KIF4A: variants seen among roughly 807,000 people sequenced by gnomAD.
KIF4A encodes chromosome-associated kinesin KIF4A.
In KIF4A, 7 loss-of-function variants were observed where a neutral mutation model predicts 105.9. The ratio of observed to expected loss-of-function variants is 0.07; its 90% CI spans 0.04 to 0.12. The LOEUF (loss-of-function observed/expected upper bound fraction) is 0.12, where lower values mean the gene tolerates loss of function less well. KIF4A is among the 10% of genes least tolerant of loss of function. The pLI, the probability that KIF4A is intolerant of heterozygous loss-of-function variation, is 1.00. For missense variants in KIF4A, 558 were observed against 929.2 expected (o/e 0.60, Z 5.19); for synonymous variants, 281 against 331.3 (o/e 0.85, Z 1.65).
chrX:70,298,583 T>A (rs2085792782), intron 4 of KIF4A, among the ~76,000 whole-genome samples: 1 of 111,660 alleles, frequency 9.0e-6, no homozygotes, highest in Non-Finnish European at 1.9e-5. Context: ...CCAACATAAT[T>A]GAATATCAAA....
chrX:70,416,415 C>T (rs2086345131), intron 28 of KIF4A, among the ~76,000 whole-genome samples: 1 of 95,834 alleles, frequency 1.0e-5, no homozygotes, highest in Non-Finnish European at 2.0e-5. Flanking sequence ...TGCAGTGGCG[C>T]GATCTCAGCT....
At chrX:70,328,433 A>C (rs1443600193) in intron 7 of KIF4A, among the ~76,000 whole-genome samples, 1 of 111,834 alleles carries the variant, frequency 8.9e-6, no homozygotes, top group Admixed American at 9.5e-5. Context: ...TAGACATTTC[A>C]TGGCCTAATG....
chrX:70,366,988 C>T (rs1330713354), intron 15 of KIF4A, among the ~76,000 whole-genome samples: 1 of 111,768 alleles, frequency 8.9e-6, no homozygotes, highest in Non-Finnish European at 1.9e-5. Context: ...TGAATTGATC[C>T]CTTTACCATT....
chrX:70,351,200 T>C (rs1365348387), intron 13 of KIF4A, among the ~76,000 whole-genome samples: 1 of 111,663 alleles, frequency 9.0e-6, no homozygotes, highest in Non-Finnish European at 1.9e-5. Context: ...TTTTGTTACA[T>C]AGATATATCG....
intron 7 of KIF4A, among the ~76,000 whole-genome samples, chrX:70,309,566 C>T (rs2085840594): frequency 1.8e-5 from 2 of 111,453 alleles, no homozygotes; most frequent in African/African-American, 6.5e-5. Context: ...GGAGCAATAG[C>T]TTTTTTTCTT....
At chrX:70,337,995 T>C (rs893533946) in intron 10 of KIF4A, among the ~76,000 whole-genome samples, 1 of 111,869 alleles carries the variant, frequency 8.9e-6, no homozygotes, top group Non-Finnish European at 1.9e-5. Flanking sequence ...ATTCGTGATA[T>C]TAGCCCTTTG....
At chrX:70,371,457 T>C (rs1348995062) in intron 15 of KIF4A, among the ~76,000 whole-genome samples, 9 of 112,066 alleles carry the variant, frequency 8.0e-5, no homozygotes, top group Admixed American at 5.6e-4. Flanking sequence ...AAACCGCCAT[T>C]GTCATCATGG....
intron 6 of KIF4A, 37 bp downstream of exon 6, chrX:70,302,103 T>G (rs1348916976): frequency 6.8e-6 from 8 of 1,183,376 alleles, no homozygotes; most frequent in Non-Finnish European, 9.2e-6. Context: ...TTTTTAGTAT[T>G]AGTTCTATTA....
At chrX:70,303,110 G>A (rs775799793) in intron 7 of KIF4A, among the ~76,000 whole-genome samples, 43 of 111,959 alleles carry the variant, frequency 3.8e-4, no homozygotes, top group Non-Finnish European at 8.1e-4. Flanking sequence ...GTGAATTCAA[G>A]GTTGGCTTCT....
chrX:70,383,940 G>A (rs1363514827), intron 18 of KIF4A, among the ~76,000 whole-genome samples: 1 of 111,699 alleles, frequency 9.0e-6, no homozygotes, highest in Non-Finnish European at 1.9e-5. Context: ...TTCTTTTTGT[G>A]GTAATGAAAA....
chrX:70,329,065 A>G (rs1358845652), intron 7 of KIF4A, among the ~76,000 whole-genome samples: 1 of 111,753 alleles, frequency 8.9e-6, no homozygotes, highest in East Asian at 2.8e-4. Context: ...AAACCTGTTC[A>G]TCCAATTTCA....
intron 13 of KIF4A, among the ~76,000 whole-genome samples, chrX:70,349,927 G>A (rs1472438266): frequency 1.5e-3 from 145 of 96,671 alleles, no homozygotes; most frequent in African/African-American, 5.3e-3. Context: ...CCTCCCAGAC[G>A]GGGTGGCGGC....
intron 15 of KIF4A, among the ~76,000 whole-genome samples, chrX:70,371,508 G>T (rs1004009975): frequency 8.9e-6 from 1 of 111,825 alleles, no homozygotes; most frequent in African/African-American, 3.2e-5. Context: ...CCCAGACGGG[G>T]TGGTGGCCGG....
chrX:70,364,601 T>A (rs1266935124), intron 15 of KIF4A, among the ~76,000 whole-genome samples: 1 of 109,047 alleles, frequency 9.2e-6, no homozygotes, highest in Admixed American at 9.9e-5. Context: ...TTGATCTATA[T>A]CTCTGTTTTG....
At chrX:70,411,460 AT>A (rs35035911) in intron 28 of KIF4A, among the ~76,000 whole-genome samples, 1,764 of 103,560 alleles carry the variant, frequency 0.017, 37 homozygotes, top group African/African-American at 0.057. Context: ...CAATCCTGGT[AT>A]TTTTTTTTTT....
chrX:70,420,159 C>G lies in KIF4A; in HGVS notation c.3593C>G (p.Thr1198Arg), dbSNP rs2086361088. The G allele has an allele frequency of 8.3e-7, 1 of 1,211,094 alleles. No homozygotes were observed. Among genetic ancestry groups the G allele is most frequent in the African/African-American group, 1.7e-5 (1 of 57,623 alleles). ...FDLPELKHVA[T>R]EYQENKAPGK... Reference sequence around the variant, plus strand: ...CTCCCAGAGTTGAAACATGTAGCAACAGAATACCAAGAAAACAAGGCTCCA... The same window carrying G: ...CTCCCAGAGTTGAAACATGTAGCAAGAGAATACCAAGAAAACAAGGCTCCA... Residue 1198 changes from threonine to arginine, a missense_variant, in exon 31 of 31, where the codon ACA becomes AGA. Physicochemically the swap from Thr to Arg is moderately conservative, Grantham distance 71. Coordinates refer to ENST00000374403, the MANE Select transcript of KIF4A (RefSeq NM_012310.5).
rs961344072 is a variant in KIF4A, at chrX:70,353,703, A to G, written c.1570A>G (p.Lys524Glu). 3 of 1,208,836 alleles carry G rather than the reference A, an allele frequency of 2.5e-6. No homozygotes were observed. The African/African-American group carries it at 5.3e-5, about 21-fold the overall frequency. The change falls in exon 15 of 31, where the codon AAG (lysine) becomes GAG (glutamate). Residue 524 changes from lysine to glutamate, a missense_variant. By Grantham distance (56) the Lys-to-Glu change is moderately conservative. Around this residue, in one of 2 missense-constraint regions of KIF4A, gnomAD observed 469 missense variants for 680.4 expected, o/e 0.69. Coordinates refer to ENST00000374403, the MANE Select transcript of KIF4A (RefSeq NM_012310.5). ...TGCTCTCCGTCAAGCGCAGATGTCT[A>G]AGGAGCTGGTTGAGTTGAATAAAGC... Reference protein sequence around the residue: ...QHALRQAQMSKELVELNKALA... With the variant: ...QHALRQAQMSEELVELNKALA...
intron 20 of KIF4A, among the ~76,000 whole-genome samples, chrX:70,394,556 C>A (rs1392222144): frequency 8.9e-6 from 1 of 111,875 alleles, no homozygotes; most frequent in Non-Finnish European, 1.9e-5. Context: ...AGACCATTTA[C>A]ATTTAATGTG....
intron 7 of KIF4A, among the ~76,000 whole-genome samples, chrX:70,315,250 C>T (rs1485800266): frequency 1.8e-5 from 2 of 111,524 alleles, no homozygotes; most frequent in East Asian, 5.6e-4. Flanking sequence ...AGAAAGTTAC[C>T]TCTGCCAATA....
Sources: gnomAD v4.1 joint callset for allele counts (sites outside exome capture counted in the v4.1 genomes callset) on GRCh38, gnomAD v4.1.1 for gene constraint, gnomAD v4.1.1 regional missense constraint, MANE v1.5 for transcripts, NCBI Gene and HGNC (gene_info 2026-07-23, HGNC 2026-07-21) for gene names.